PTPN21: variants seen among roughly 807,000 people sequenced by gnomAD.
PTPN21 encodes the protein tyrosine-protein phosphatase non-receptor type 21.
PTPN21 carries 77 observed loss-of-function variants against 131.8 expected under a neutral mutation model. That is an observed-to-expected ratio of 0.58 (90% CI 0.49 to 0.71). The LOEUF is 0.71. Among genes scored for constraint, PTPN21 ranks in the 30% least tolerant of loss-of-function variants. The pLI is 0.00. For missense variants in PTPN21, 1,552 were observed against 1,527.1 expected (o/e 1.02, Z -0.27); for synonymous variants, 715 against 621.3 (o/e 1.15, Z -2.24).
rs1354073754 is a variant in PTPN21 at position 88,469,109 on chromosome 14, A to T, written c.3236-33T>A. ...AAATCAATGAAATAGAAAAGTACTC[A>T]AGGATCAAGGCGTATCACATTGTTG... On this transcript the variant is annotated intron_variant, in intron 17 of 18. Coordinates refer to ENST00000556564, the MANE Select transcript of PTPN21 (RefSeq NM_007039.4). The surrounding 1 kb of genome is among the most constrained non-coding windows in gnomAD (Gnocchi z 4.3). 6.3e-7 allele frequency: 1 copy of T among 1,590,280 alleles called. No homozygotes were observed. Among genetic ancestry groups the T allele is most frequent in the Non-Finnish European group, 8.6e-7 (1 of 1,163,020 alleles).
At chr14:88,509,993 GC>G (rs1443464623) in intron 3 of PTPN21, among the ~76,000 whole-genome samples, 116 of 152,340 alleles carry the variant, frequency 7.6e-4, no homozygotes, top group African/African-American at 2.7e-3. Flanking sequence ...CTAAGATGGT[GC>G]CATTGCACTC....
In PTPN21 at chr14:88,496,449, G is replaced by C. The variant is rs149777495; in HGVS notation, c.896C>G (p.Ala299Gly). ...GTTTAGTCTGTAAAACTTGTGTCGCGCAACACAGAGTCTCCAAATGTATTT... is the reference window on the plus strand; with the variant it reads ...GTTTAGTCTGTAAAACTTGTGTCGCCCAACACAGAGTCTCCAAATGTATTT... ...TAKYIWRLCV[A>G]RHKFYRLNQC... Residue 299 changes from alanine to glycine, a missense_variant, in exon 10 of 19, where the codon GCG (alanine) becomes GGG (glycine). By Grantham distance (60) the Ala-to-Gly change is moderately conservative. Coordinates refer to ENST00000556564, the MANE Select transcript of PTPN21 (RefSeq NM_007039.4). The C allele has an allele frequency of 1.9e-6, 3 of 1,613,678 alleles. No homozygotes were observed. The highest frequency in any genetic ancestry group is 2.5e-6 in the Non-Finnish European group (3 of 1,179,852).
At chr14:88,486,816 A>C (rs2140110015) in intron 10 of PTPN21, among the ~76,000 whole-genome samples, 1 of 152,092 alleles carries the variant, frequency 6.6e-6, no homozygotes, top group African/African-American at 2.4e-5. Context: ...TCTCTACTGA[A>C]AATACAAAAA....
chr14:88,539,133 G>T (rs2078668730), intron 2 of PTPN21, among the ~76,000 whole-genome samples: 1 of 151,492 alleles, frequency 6.6e-6, no homozygotes. Flanking sequence ...GCCCAGGCTG[G>T]AGTGCAATGG....
intron 4 of PTPN21, among the ~76,000 whole-genome samples, chr14:88,507,518 C>T (rs1236788197): frequency 6.6e-6 from 1 of 152,130 alleles, no homozygotes; most frequent in African/African-American, 2.4e-5. Context: ...GCAACTGTAA[C>T]ACAATGGTAT....
chr14:88,518,286 ACG>A (rs1428253243), intron 2 of PTPN21, among the ~76,000 whole-genome samples: 9 of 104,794 alleles, frequency 8.6e-5, no homozygotes, highest in South Asian at 3.1e-4. Flanking sequence ...ACACACACAT[ACG>A]CACACACACA....
intron 2 of PTPN21, among the ~76,000 whole-genome samples, chr14:88,538,395 T>C (rs2078659127): frequency 6.6e-6 from 1 of 152,206 alleles, no homozygotes; most frequent in Non-Finnish European, 1.5e-5. Context: ...ATCAGTCTGA[T>C]ACTTCCAACT....
At chr14:88,540,204 G>A (rs187183730) in intron 2 of PTPN21, among the ~76,000 whole-genome samples, 5 of 152,244 alleles carry the variant, frequency 3.3e-5, no homozygotes, top group Admixed American at 2.6e-4. Context: ...AAGTGGAAAC[G>A]GCTAAAGAAT....
intron 2 of PTPN21, among the ~76,000 whole-genome samples, chr14:88,527,745 G>C (rs1284849516): frequency 1.3e-5 from 2 of 152,122 alleles, no homozygotes; most frequent in Non-Finnish European, 2.9e-5. Context: ...ATGTCTAGAA[G>C]GATTTTTCTG....
chr14:88,519,517 A>G (rs981128963), intron 2 of PTPN21, among the ~76,000 whole-genome samples: 3 of 152,350 alleles, frequency 2.0e-5, no homozygotes, highest in African/African-American at 7.2e-5. Context: ...GCAACAAGAA[A>G]ACTGAGAAAT....
At position 88,479,785 on chromosome 14, in the gene PTPN21, G is replaced by A; in HGVS notation, c.1646C>T (p.Ala549Val). 6.5e-7 allele frequency: 1 copy of A among 1,544,982 alleles called. No individual in the cohort carries two copies. The highest frequency in any genetic ancestry group is 8.7e-7 in the Non-Finnish European group (1 of 1,152,130). ...VPELTNAQLQ[A>V]QDYPSPNIMR... ...GATGTTGGGAGACGGGTAGTCCTGC[G>A]CCTGCAGCTGCGCATTGGTCAGCTC... The change falls in exon 13 of 19, where the codon GCG (alanine) becomes GTG (valine). Residue 549 changes from alanine (A) to valine (V), a missense_variant. Coordinates refer to ENST00000556564, the MANE Select transcript of PTPN21 (RefSeq NM_007039.4).
intron 10 of PTPN21, among the ~76,000 whole-genome samples, chr14:88,487,153 A>T (rs2077749777): frequency 7.6e-6 from 1 of 130,776 alleles, no homozygotes; most frequent in Admixed American, 7.1e-5. Context: ...TTTCAAATAA[A>T]GGCAAGATTT....
chr14:88,479,466 G>A lies in PTPN21; in HGVS notation c.1965C>T (p.Arg655=), dbSNP rs61742071. The change falls in exon 13 of 19, where the codon CGC becomes CGT. Residue 655 remains arginine, a synonymous_variant. Coordinates refer to ENST00000556564, the MANE Select transcript of PTPN21 (RefSeq NM_007039.4). ...CCTCTGCCGCCGACGCGGATAGGGT[G>A]CGCTCCTTGAGCCGCAGGCCCTCCA... ...HGLEGLRLKE[R]TLSASAAEVA... 6.2e-7 allele frequency: 1 copy of A among 1,602,556 alleles called. No individual in the cohort carries two copies. The highest frequency in any genetic ancestry group is 1.3e-5 in the African/African-American group (1 of 74,850).
chr14:88,501,406 G>A, intron 6 of PTPN21, 38 bp from the exon 7 acceptor site: 2 of 1,528,738 alleles, frequency 1.3e-6, no homozygotes, highest in Non-Finnish European at 1.8e-6. Context: ...CACAAAGCAA[G>A]CTTAAAATGG....
intron 10 of PTPN21, among the ~76,000 whole-genome samples, chr14:88,486,977 CAAAAA>C (rs1198956976): frequency 7.3e-5 from 4 of 54,620 alleles, no homozygotes; most frequent in Admixed American, 2.1e-4. Context: ...ATTCTAGCCT[CAAAAA>C]AAAAAAAAAA....
intron 2 of PTPN21, among the ~76,000 whole-genome samples, chr14:88,533,504 T>C (rs1244861828): frequency 2.6e-5 from 4 of 152,228 alleles, no homozygotes; most frequent in African/African-American, 9.7e-5. Context: ...GTACAGTACA[T>C]AACACTGGAC....
Position 88,475,840 on chromosome 14 carries a change from C to T in PTPN21, c.2512-2038G>A, listed in dbSNP as rs148816488. The stretch of plus-strand genomic sequence containing the variant: ...ACTCAAAATATCCCACACTGGGACA[C>T]GCTGGATAAAGCTGATTGGCTGTGA... On this transcript the variant is annotated intron_variant, in intron 13 of 18. Transcript: ENST00000556564. Among the ~76,000 whole-genome samples the T allele has an allele frequency of 1.8e-4, 27 of 152,296 alleles. No homozygotes were observed. In the East Asian group the frequency reaches 3.7e-3, roughly 21 times the overall value.
intron 3 of PTPN21, among the ~76,000 whole-genome samples, chr14:88,508,455 A>G (rs1864746): frequency 0.35 from 52,750 of 152,024 alleles, 9,726 homozygotes; most frequent in African/African-American, 0.48. Context: ...GCCCCTAGAC[A>G]GTTTCAAACA....
intron 12 of PTPN21, among the ~76,000 whole-genome samples, chr14:88,482,000 C>G (rs1235257145): frequency 1.3e-5 from 2 of 152,258 alleles, no homozygotes; most frequent in African/African-American, 2.4e-5. Flanking sequence ...ACGGCAGACT[C>G]AGACAGGGCA....
Sources: gnomAD v4.1 joint callset for allele counts (sites outside exome capture counted in the v4.1 genomes callset) on GRCh38, gnomAD v4.1.1 for gene constraint, Gnocchi (gnomAD v3.1) non-coding constraint, MANE v1.5 for transcripts, NCBI Gene and HGNC (gene_info 2026-07-23, HGNC 2026-07-21) for gene names.